Variants in DTNA observed in about 807,000 individuals in gnomAD.
The protein encoded by DTNA is dystrophin-related protein 3.
Under a neutral mutation model 100.7 loss-of-function variants are expected in DTNA, and 43 were observed. The ratio of observed to expected loss-of-function variants is 0.43; its 90% CI spans 0.33 to 0.55. The LOEUF (loss-of-function observed/expected upper bound fraction) is 0.55. DTNA is among the 20% of genes least tolerant of loss of function. The probability of loss-of-function intolerance (pLI) is 0.04; values close to 1 mark genes in which losing one functional copy is unlikely to be tolerated. For missense variants in DTNA, 798 were observed against 953.9 expected, an observed-to-expected ratio of 0.84 and a Z score of 2.15; for synonymous variants, 349 against 347.9, an observed-to-expected ratio of 1.00 and a Z score of -0.04.
intron 3 of DTNA, among the ~76,000 whole-genome samples, chr18:34,783,540 T>C (rs1472806954): frequency 6.6e-6 from 1 of 152,202 alleles, no homozygotes; most frequent in Non-Finnish European, 1.5e-5. Context: ...AAAGCATGCT[T>C]TCAGAGCCAG....
chr18:34,795,504 G>A (rs1289923058), intron 4 of DTNA, among the ~76,000 whole-genome samples: 6 of 152,210 alleles, frequency 3.9e-5, no homozygotes, highest in African/African-American at 9.6e-5. Context: ...GCTGGGGCAG[G>A]TAAAGAGGAC....
At chr18:34,595,822 G>A (rs192870800) in intron 1 of DTNA, among the ~76,000 whole-genome samples, 2 of 152,182 alleles carry the variant, frequency 1.3e-5, no homozygotes, top group African/African-American at 2.4e-5. Context: ...GCACCTGGGG[G>A]CGATATCAGA....
chr18:34,631,358 C>G (rs1242777287), intron 1 of DTNA, among the ~76,000 whole-genome samples: 1 of 152,120 alleles, frequency 6.6e-6, no homozygotes, highest in East Asian at 1.9e-4. Flanking sequence ...TAAGGATTAA[C>G]AGTTATTTTT....
rs1443512362 is a variant in DTNA at position 34,891,487 on chromosome 18, A to G, written c.*3753A>G. 2 of 152,330 alleles carry G rather than the reference A, an allele frequency of 1.3e-5. No homozygotes were observed. The highest frequency in any genetic ancestry group is 2.9e-5 in the Non-Finnish European group (2 of 68,034). 9.4% of individuals were successfully genotyped at this position (152,330 alleles called of 1,614,324 possible). On this transcript the variant is annotated 3_prime_UTR_variant, in exon 23 of 23. Transcript: ENST00000444659. ...GTCTGTTGAAAGAAGGAAGGCAGGT[A>G]CTTGCAGTTTAAAGCAGGACCCATT...
intron 1 of DTNA, among the ~76,000 whole-genome samples, chr18:34,532,766 A>ATGTG (rs1282967965): frequency 1.1e-4 from 6 of 52,892 alleles, no homozygotes; most frequent in Admixed American, 7.8e-4. Context: ...ATATATATAT[A>ATGTG]TATATGTGTG....
At chr18:34,530,461 A>C (rs1489408113) in intron 1 of DTNA, among the ~76,000 whole-genome samples, 1 of 152,044 alleles carries the variant, frequency 6.6e-6, no homozygotes, top group Non-Finnish European at 1.5e-5. Flanking sequence ...TCAGTCTCCA[A>C]ATCACTTTTA....
intron 1 of DTNA, among the ~76,000 whole-genome samples, chr18:34,520,635 CAA>C: frequency 1.3e-5 from 2 of 152,088 alleles, no homozygotes; most frequent in East Asian, 1.9e-4. Context: ...GCCTGGGCAA[CAA>C]GAGCAAAAAC....
chr18:34,578,910 G>T (rs533156211), intron 1 of DTNA, among the ~76,000 whole-genome samples: 62 of 152,158 alleles, frequency 4.1e-4, no homozygotes, highest in Non-Finnish European at 7.4e-4. Flanking sequence ...TTAGATTTAA[G>T]TCTACCATCT....
Position 34,851,861 on chromosome 18 carries a change from A to G in DTNA, c.1465A>G (p.Ile489Val). Residue 489 changes from isoleucine to valine, a missense_variant, in exon 15 of 23, where the codon ATC becomes GTC. Physicochemically the swap from Ile to Val is conservative, Grantham distance 29 (BLOSUM62 3). Transcript: ENST00000444659. ...QPPQQRSAPD[I>V]SFTIDANKQQ... is the part of the protein sequence containing the mutation. ...ACCTCAGCAGAGAAGTGCTCCTGAC[A>G]TCTCTTTCACCATCGATGCGAATAA... 1 of 1,614,096 alleles carries G rather than the reference A, an allele frequency of 6.2e-7. No homozygotes were observed. The highest frequency in any genetic ancestry group is 8.5e-7 in the Non-Finnish European group (1 of 1,179,940).
intron 2 of DTNA, chr18:34,759,820 A>T (rs1279120313): frequency 6.6e-6 from 1 of 152,326 alleles, no homozygotes; most frequent in Non-Finnish European, 1.5e-5. Flanking sequence ...AGCTGGGACT[A>T]CAGGTGCACC....
chr18:34,833,690 G>A (rs906686546), intron 11 of DTNA, among the ~76,000 whole-genome samples: 5 of 152,128 alleles, frequency 3.3e-5, no homozygotes, highest in Admixed American at 1.3e-4. Context: ...AGGGATTAGT[G>A]AAAAGAAAAA....
intron 7 of DTNA, 105 bp downstream of exon 7, chr18:34,816,119 A>C (rs1371813591): frequency 4.4e-6 from 5 of 1,135,430 alleles, no homozygotes; most frequent in African/African-American, 3.1e-5. Flanking sequence ...AAGCCTATTT[A>C]GTGGCTCTTA....
Position 34,821,239 on chromosome 18 carries a change from A to G in DTNA, c.1001+324A>G, listed in dbSNP as rs919664753. On this transcript the variant is annotated intron_variant, in intron 9 of 22. Coordinates refer to ENST00000444659, the MANE Select transcript of DTNA (RefSeq NM_001386795.1). ...AATGGGATCACTGTGGTAAAAAATGATTTACAGTATATTATTCCTTAATTT... is the reference window on the plus strand; with the variant it reads ...AATGGGATCACTGTGGTAAAAAATGGTTTACAGTATATTATTCCTTAATTT... 1.3e-5 allele frequency: 6 copies of G among 478,378 alleles called. No individual in the cohort carries two copies. In the Admixed American group the frequency reaches 1.5e-4, roughly 12 times the overall value. The allele number at this position is 478,378 out of a possible 1,614,324, so 29.6% of individuals were successfully genotyped here.
At chr18:34,527,638 A>T (rs953461334) in intron 1 of DTNA, among the ~76,000 whole-genome samples, 1 of 152,060 alleles carries the variant, frequency 6.6e-6, no homozygotes, top group Non-Finnish European at 1.5e-5. Flanking sequence ...TGTATATTTG[A>T]TCTACGATTT....
At position 34,891,676 on chromosome 18, in the gene DTNA, T is replaced by A. The variant is rs142635681; in HGVS notation, c.*3942T>A. Reference sequence around the variant, plus strand: ...TATTATAATTGATATGGAAGTGAGTTTGAAATTCTAACAGCTAACATATTT... The same window carrying A: ...TATTATAATTGATATGGAAGTGAGTATGAAATTCTAACAGCTAACATATTT... On this transcript the variant is annotated 3_prime_UTR_variant, in exon 23 of 23. Coordinates refer to ENST00000444659, the MANE Select transcript of DTNA (RefSeq NM_001386795.1). 193 of 152,352 alleles carry A rather than the reference T, an allele frequency of 1.3e-3. 1 individual carries two copies. Among genetic ancestry groups the A allele is most frequent in the African/African-American group, 4.4e-3 (182 of 41,584 alleles). The allele number at this position is 152,352 out of a possible 1,614,324, so 9.4% of individuals were successfully genotyped here.
chr18:34,871,440 C>T (rs1377959240), intron 17 of DTNA, among the ~76,000 whole-genome samples: 3 of 152,220 alleles, frequency 2.0e-5, no homozygotes, highest in Non-Finnish European at 4.4e-5. Context: ...AATCAACTCT[C>T]TCCTTGGGAA....
chr18:34,567,039 C>T (rs1457634324), intron 1 of DTNA, among the ~76,000 whole-genome samples: 1 of 152,120 alleles, frequency 6.6e-6, no homozygotes, highest in Admixed American at 6.5e-5. Context: ...CGTCAATATA[C>T]CATCAATTTT....
At chr18:34,877,508 A>G (rs1603340323) in intron 18 of DTNA, among the ~76,000 whole-genome samples, 1 of 152,162 alleles carries the variant, frequency 6.6e-6, no homozygotes, top group East Asian at 1.9e-4. Context: ...ATCATTAGCC[A>G]TGTCTTCTTA....
Position 34,889,005 on chromosome 18 carries a change from A to G in DTNA, c.*1271A>G. The G allele has an allele frequency of 4.1e-6, 4 of 985,922 alleles. No individual in the cohort carries two copies. The highest frequency in any genetic ancestry group is 4.8e-6 in the Non-Finnish European group (4 of 829,940). 61.1% of individuals were successfully genotyped at this position (985,922 alleles called of 1,614,324 possible). On this transcript the variant is annotated 3_prime_UTR_variant, in exon 23 of 23. Coordinates refer to ENST00000444659, the MANE Select transcript of DTNA (RefSeq NM_001386795.1). ...AAAGCTGAAGTGCAAAAGAGCTATC[A>G]AAGACAAGAGGATAAAAGACTGGGA... is the stretch of plus-strand genomic sequence containing the variant.
Sources: gnomAD v4.1 joint callset for allele counts (sites outside exome capture counted in the v4.1 genomes callset) on GRCh38, gnomAD v4.1.1 for gene constraint, MANE v1.5 for transcripts, NCBI Gene and HGNC (gene_info 2026-07-23, HGNC 2026-07-21) for gene names.